Variants in YWHAG observed in about 807,000 individuals in gnomAD.
The protein encoded by YWHAG is 14-3-3 protein gamma.
A neutral mutation model predicts 23.3 loss-of-function variants in YWHAG; 1 was observed. The ratio of observed to expected loss-of-function variants is 0.04; its 90% CI spans 0.02 to 0.20. YWHAG has a LOEUF of 0.20. YWHAG is among the 10% of genes least tolerant of loss of function. The pLI, the probability that YWHAG is intolerant of heterozygous loss-of-function variation, is 1.00. For synonymous variants in YWHAG, 160 were observed against 144.0 expected (o/e 1.11, Z -0.80); for missense variants, 151 against 338.6 (o/e 0.45, Z 4.35).
chr7:76,347,171 G>C (rs73357737), intron 1 of YWHAG, among the ~76,000 whole-genome samples: 1 of 152,086 alleles, frequency 6.6e-6, no homozygotes, highest in Non-Finnish European at 1.5e-5. Flanking sequence ...TTCTTTTGTG[G>C]AATCAAGATC....
At chr7:76,332,616 G>C (rs936686126) in intron 1 of YWHAG, among the ~76,000 whole-genome samples, 1 of 151,878 alleles carries the variant, frequency 6.6e-6, no homozygotes, top group Admixed American at 6.6e-5. Flanking sequence ...AAACTACTGG[G>C]CTCAAGCAAT....
chr7:76,350,569 C>T (rs961619780), intron 1 of YWHAG, among the ~76,000 whole-genome samples: 2 of 152,192 alleles, frequency 1.3e-5, no homozygotes, highest in East Asian at 1.9e-4. Context: ...TAAGGTCAGG[C>T]GCAGTGGCTC....
intron 1 of YWHAG, among the ~76,000 whole-genome samples, chr7:76,349,440 C>CAG (rs1355035490): frequency 3.7e-4 from 29 of 78,810 alleles, no homozygotes; most frequent in African/African-American, 1.7e-3. Context: ...CACACACACA[C>CAG]ACAGACACAC....
intron 1 of YWHAG, among the ~76,000 whole-genome samples, chr7:76,342,714 C>T (rs1047049162): frequency 3.3e-5 from 5 of 152,136 alleles, no homozygotes; most frequent in Non-Finnish European, 5.9e-5. Context: ...TTCGAACCTC[C>T]GCTGGGCTAC....
At chr7:76,334,528 G>C (rs1260810477) in intron 1 of YWHAG, among the ~76,000 whole-genome samples, 2 of 151,868 alleles carry the variant, frequency 1.3e-5, no homozygotes, top group Non-Finnish European at 2.9e-5. Context: ...AAACTCCTCT[G>C]CCTCAGCCTC....
At chr7:76,354,329 G>T (rs1267511647) in intron 1 of YWHAG, among the ~76,000 whole-genome samples, 1 of 151,990 alleles carries the variant, frequency 6.6e-6, no homozygotes, top group South Asian at 2.1e-4. Context: ...TGGCCAACAT[G>T]GTGAAACCCT....
intron 1 of YWHAG, among the ~76,000 whole-genome samples, chr7:76,350,609 C>T (rs1200358853): frequency 1.3e-5 from 2 of 152,170 alleles, no homozygotes; most frequent in Non-Finnish European, 1.5e-5. Flanking sequence ...TTCCAGAGGC[C>T]AAGGCGGGCA....
Position 76,358,991 on chromosome 7 carries a change from C to A in YWHAG, c.-183G>T, listed in dbSNP as rs900460335. 1.6e-5 allele frequency: 8 copies of A among 485,552 alleles called. No individual in the cohort carries two copies. In the Admixed American group the frequency reaches 3.1e-4, roughly 19 times the overall value. 30.1% of individuals were successfully genotyped at this position (485,552 alleles called of 1,614,324 possible). ...CGCGGGACCGGGCGCGAGGCGGCTG[C>A]GGCTGCTGTGCGTGCCACTGACGGA... is the stretch of plus-strand genomic sequence containing the variant. On this transcript the variant is annotated 5_prime_UTR_variant, in exon 1 of 2. Coordinates refer to ENST00000307630, the MANE Select transcript of YWHAG (RefSeq NM_012479.4).
chr7:76,347,148 G>A (rs1295327848), intron 1 of YWHAG, among the ~76,000 whole-genome samples: 2 of 152,164 alleles, frequency 1.3e-5, no homozygotes, highest in Non-Finnish European at 2.9e-5. Flanking sequence ...CAGCACCCTA[G>A]GCTTACTTCA....
At chr7:76,336,748 G>A (rs1448924952) in intron 1 of YWHAG, among the ~76,000 whole-genome samples, 1 of 149,686 alleles carries the variant, frequency 6.7e-6, no homozygotes, top group African/African-American at 2.5e-5. Flanking sequence ...GAGCCACGGT[G>A]CCCGGTCTTT....
chr7:76,330,308 G>T, intron 1 of YWHAG, 75 bp from the exon 2 acceptor site: 3 of 1,449,098 alleles, frequency 2.1e-6, no homozygotes, highest in Non-Finnish European at 1.9e-6. Flanking sequence ...TGAGACACTA[G>T]AACAGAGCTC....
rs1804006589 is a variant in YWHAG at position 76,358,882 on chromosome 7, G to A, written c.-74C>T. 4 of 1,424,210 alleles carry A rather than the reference G, an allele frequency of 2.8e-6. No individual in the cohort carries two copies. The highest frequency in any genetic ancestry group is 1.3e-5 in the South Asian group (1 of 76,062). The allele number at this position is 1,424,210 out of a possible 1,614,324, so 88.2% of individuals were successfully genotyped here. On this transcript the variant is annotated 5_prime_UTR_variant, in exon 1 of 2. Transcript: ENST00000307630. ...CCTGAAGGGCTTGGAGGGCGCGACT[G>A]GAGCCCAAGTGCCGGAGAGGACCGA... is the stretch of plus-strand genomic sequence containing the variant.
At chr7:76,332,236 T>C (rs1803553405) in intron 1 of YWHAG, among the ~76,000 whole-genome samples, 1 of 152,166 alleles carries the variant, frequency 6.6e-6, no homozygotes, top group Non-Finnish European at 1.5e-5. Flanking sequence ...CCACCTCTTG[T>C]TCCCGGCACT....
chr7:76,328,580 C>A lies in YWHAG; in HGVS notation c.*997G>T, dbSNP rs974624768. The stretch of plus-strand genomic sequence containing the variant: ...CTGCACCCAGCTGCGTCCGCCAGCA[C>A]GAGGCGCAGTAGGAAACGCCCCAGT... On this transcript the variant is annotated 3_prime_UTR_variant, in exon 2 of 2. Coordinates refer to ENST00000307630, the MANE Select transcript of YWHAG (RefSeq NM_012479.4). 2.6e-5 allele frequency: 4 copies of A among 152,172 alleles called. No individual in the cohort carries two copies. The East Asian group carries it at 5.8e-4, about 22-fold the overall frequency. The allele number at this position is 152,172 out of a possible 1,614,324, so 9.4% of individuals were successfully genotyped here.
chr7:76,345,071 TGA>T (rs1394204663), intron 1 of YWHAG, among the ~76,000 whole-genome samples: 1 of 152,026 alleles, frequency 6.6e-6, no homozygotes, highest in Non-Finnish European at 1.5e-5. Flanking sequence ...AGGGGGACAC[TGA>T]GAGAGAGAAC....
At chr7:76,354,068 A>AC (rs1803913575) in intron 1 of YWHAG, among the ~76,000 whole-genome samples, 1 of 146,626 alleles carries the variant, frequency 6.8e-6, no homozygotes, top group Admixed American at 7.0e-5. Context: ...CAAAAAAAAA[A>AC]AAAACAAAAA....
intron 1 of YWHAG, among the ~76,000 whole-genome samples, 162 bp downstream of exon 1, chr7:76,358,558 CGG>C (rs1442888176): frequency 2.6e-4 from 40 of 152,310 alleles, no homozygotes; most frequent in African/African-American, 8.2e-4. Context: ...CGTCACAGCC[CGG>C]GTTCCCGTCG....
chr7:76,333,769 C>T (rs1803578831), intron 1 of YWHAG, among the ~76,000 whole-genome samples: 1 of 152,250 alleles, frequency 6.6e-6, no homozygotes, highest in South Asian at 2.1e-4. Flanking sequence ...GCGGTGCAGC[C>T]CTCATGACTG....
intron 1 of YWHAG, among the ~76,000 whole-genome samples, chr7:76,335,898 C>T (rs968904297): frequency 6.6e-6 from 1 of 152,140 alleles, no homozygotes; most frequent in African/African-American, 2.4e-5. Flanking sequence ...TACAGTGAGA[C>T]GAGATGGAGC....
Sources: allele counts gnomAD v4.1 joint callset (sites outside exome capture counted in the v4.1 genomes callset), GRCh38; gene constraint gnomAD v4.1.1; transcripts MANE v1.5; gene names NCBI Gene and HGNC (gene_info 2026-07-23, HGNC 2026-07-21).